The following STX6 variants were observed in gnomAD, a reference collection of about 807,000 sequenced individuals.
STX6 encodes the protein syntaxin 6, also known as syntaxin-6.
In STX6, 23 loss-of-function variants were observed where a neutral mutation model predicts 38.0. That is an observed-to-expected ratio of 0.60 (90% CI 0.43 to 0.86). The LOEUF (loss-of-function observed/expected upper bound fraction) is 0.86. Ranked by LOEUF, STX6 falls within the 40% of genes least tolerant of loss-of-function variation. The pLI is 0.00. For missense variants in STX6, 274 were observed against 312.9 expected, an observed-to-expected ratio of 0.88 and a Z score of 0.94; for synonymous variants, 123 against 107.5, an observed-to-expected ratio of 1.14 and a Z score of -0.89.
chr1:181,001,904 C>A (rs921355185), intron 3 of STX6, among the ~76,000 whole-genome samples: 1 of 152,192 alleles, frequency 6.6e-6, no homozygotes, highest in Non-Finnish European at 1.5e-5. Flanking sequence ...ACAGGCTGGG[C>A]ATGGTGGCTC....
chr1:180,993,217 A>G (rs1291983989), intron 4 of STX6, 146 bp downstream of exon 4: 1 of 565,118 alleles, frequency 1.8e-6, no homozygotes, highest in Non-Finnish European at 3.1e-6. Flanking sequence ...CTGGACTGTC[A>G]CAAAACCTCC....
chr1:180,983,847 G>A (rs1368880060), intron 7 of STX6, among the ~76,000 whole-genome samples: 2 of 151,598 alleles, frequency 1.3e-5, no homozygotes, highest in African/African-American at 2.4e-5. Context: ...GGCAGATCAC[G>A]AGGTCAGGAG....
intron 6 of STX6, 33 bp from the exon 7 acceptor site, chr1:180,984,804 A>C: frequency 9.3e-7 from 1 of 1,071,016 alleles, no homozygotes; most frequent in South Asian, 1.3e-5. Flanking sequence ...GGTCGCTGGT[A>C]AGCACAAAGC....
intron 6 of STX6, chr1:180,987,945 C>T: frequency 1.3e-5 from 3 of 235,802 alleles, no homozygotes; most frequent in South Asian, 1.2e-4. Context: ...AGAGGCTTCT[C>T]TGTTTCATAT....
At position 180,982,482 on chromosome 1, in the gene STX6, T is replaced by C. The variant is rs180894665; in HGVS notation, c.691+2195A>G. Among the ~76,000 whole-genome samples, 102 of 152,354 alleles carry C rather than the reference T, an allele frequency of 6.7e-4. 1 individual carries two copies. Among genetic ancestry groups the C allele is most frequent in the African/African-American group, 2.4e-3 (98 of 41,594 alleles). On this transcript the variant is annotated intron_variant, in intron 7 of 7. Transcript: ENST00000258301. ...CAAAGTTATTACATTGCTTCCCCAA[T>C]TTTTCTTTTGGGAAAAAGTAGAATA...
intron 1 of STX6, among the ~76,000 whole-genome samples, chr1:181,016,451 A>G (rs1173223690): frequency 1.3e-5 from 2 of 152,210 alleles, no homozygotes; most frequent in Non-Finnish European, 2.9e-5. Context: ...GGAGCTAAAT[A>G]ATATTAAACA....
intron 7 of STX6, among the ~76,000 whole-genome samples, chr1:180,977,178 G>A (rs1655279319): frequency 6.6e-6 from 1 of 152,202 alleles, no homozygotes; most frequent in Admixed American, 6.5e-5. Flanking sequence ...ACCTAGTCAA[G>A]TAAGATTACT....
At chr1:181,004,978 T>C (rs1337586630) in intron 2 of STX6, among the ~76,000 whole-genome samples, 1 of 150,536 alleles carries the variant, frequency 6.6e-6, no homozygotes, top group African/African-American at 2.4e-5. Flanking sequence ...TTTTTTTTTT[T>C]CCCTTTACAT....
chr1:180,987,720 T>G (rs929046900), intron 6 of STX6: 7 of 152,072 alleles, frequency 4.6e-5, no homozygotes, highest in African/African-American at 1.7e-4. Flanking sequence ...AAAAACAAAC[T>G]GAGGTTATGT....
At chr1:181,017,318 G>A (rs1420951144) in intron 1 of STX6, among the ~76,000 whole-genome samples, 5 of 151,608 alleles carry the variant, frequency 3.3e-5, no homozygotes, top group Non-Finnish European at 5.9e-5. Context: ...GCGTGAACCC[G>A]GGAGGCGGAG....
intron 3 of STX6, among the ~76,000 whole-genome samples, chr1:180,994,879 T>C (rs1213772090): frequency 6.6e-6 from 1 of 152,218 alleles, no homozygotes; most frequent in Non-Finnish European, 1.5e-5. Flanking sequence ...TACCTTCATT[T>C]GATCATTACG....
intron 1 of STX6, among the ~76,000 whole-genome samples, chr1:181,009,027 C>T (rs1204704583): frequency 6.6e-6 from 1 of 151,962 alleles, no homozygotes; most frequent in Non-Finnish European, 1.5e-5. Flanking sequence ...CAATACATCA[C>T]AAAAATGCTT....
intron 1 of STX6, among the ~76,000 whole-genome samples, chr1:181,019,352 G>GAAA (rs111503260): frequency 2.4e-4 from 33 of 137,846 alleles, no homozygotes; most frequent in African/African-American, 8.5e-4. Context: ...GAAATACAGA[G>GAAA]GAAAAAAAAA....
intron 1 of STX6, among the ~76,000 whole-genome samples, chr1:181,007,432 G>C (rs1354465285): frequency 6.6e-6 from 1 of 152,296 alleles, no homozygotes; most frequent in East Asian, 1.9e-4. Context: ...CACAGAGATG[G>C]AGGGCTGATT....
intron 5 of STX6, among the ~76,000 whole-genome samples, chr1:180,989,640 G>C (rs1655694861): frequency 6.6e-6 from 1 of 151,996 alleles, no homozygotes; most frequent in African/African-American, 2.4e-5. Context: ...TTTTTTTAGA[G>C]AAAGGGTCTT....
At chr1:180,977,613 A>G (rs1655293820) in intron 7 of STX6, among the ~76,000 whole-genome samples, 1 of 152,240 alleles carries the variant, frequency 6.6e-6, no homozygotes, top group Non-Finnish European at 1.5e-5. Flanking sequence ...GGCCCGACTG[A>G]TAACAGAATT....
intron 5 of STX6, 48 bp downstream of exon 5, chr1:180,989,936 T>C: frequency 6.2e-7 from 1 of 1,606,210 alleles, no homozygotes; most frequent in South Asian, 1.1e-5. Flanking sequence ...ACTAAGGGGG[T>C]GTCTTGTTTC....
In STX6 at chr1:180,973,881, A is replaced by T. The variant is rs1048490350; in HGVS notation, c.*2689T>A. 2.0e-5 allele frequency: 3 copies of T among 152,206 alleles called. No homozygotes were observed. The highest frequency in any genetic ancestry group is 2.0e-4 in the Admixed American group (3 of 15,282). 9.4% of individuals were successfully genotyped at this position (152,206 alleles called of 1,614,324 possible). A position where few individuals can be genotyped will look rare whatever the true frequency, so the allele number is the denominator to read the frequency against. ...ACATAAATTGAGCTCTTCCTCTGTT[A>T]TCCATCACATTCTGCCAGTTCTTTA... On this transcript the variant is annotated 3_prime_UTR_variant, in exon 8 of 8. Coordinates refer to ENST00000258301, the MANE Select transcript of STX6 (RefSeq NM_005819.6).
At chr1:181,017,373 A>T (rs1472234627) in intron 1 of STX6, among the ~76,000 whole-genome samples, 1 of 152,208 alleles carries the variant, frequency 6.6e-6, no homozygotes, top group Non-Finnish European at 1.5e-5. Flanking sequence ...AGCCTGGGCA[A>T]CAGAGTGAGA....
Sources: allele counts gnomAD v4.1 joint callset (sites outside exome capture counted in the v4.1 genomes callset), GRCh38; gene constraint gnomAD v4.1.1; transcripts MANE v1.5; gene names NCBI Gene and HGNC (gene_info 2026-07-23, HGNC 2026-07-21).